Variants in PEX14 observed in about 807,000 individuals in gnomAD.
The protein encoded by PEX14 is peroxisomal membrane protein PEX14.
PEX14 carries 15 observed loss-of-function variants against 49.5 expected under a neutral mutation model. That is an observed-to-expected ratio of 0.30 (90% CI 0.20 to 0.47). The LOEUF is 0.47. Among genes scored for constraint, PEX14 ranks in the 20% least tolerant of loss-of-function variants. The pLI is 1.00. For missense variants in PEX14, 398 were observed against 494.8 expected (o/e 0.80, Z 1.86); for synonymous variants, 210 against 212.7 (o/e 0.99, Z 0.11).
rs1411723360 is a variant in PEX14, at chr1:10,539,949, T to C, written c.169+3652T>C. On this transcript the variant is annotated intron_variant, in intron 3 of 8. Transcript: ENST00000356607. The surrounding 1 kb of genome is among the most constrained non-coding windows in gnomAD (Gnocchi z 4.6). ...AGGAAAGACAAACATCATCTATTTTTCTGTATAACCCTGCATAGTGGGGCC... is the reference window on the plus strand; with the variant it reads ...AGGAAAGACAAACATCATCTATTTTCCTGTATAACCCTGCATAGTGGGGCC... Among the ~76,000 whole-genome samples the C allele has an allele frequency of 6.6e-6, 1 of 152,188 alleles. No individual in the cohort carries two copies. Among genetic ancestry groups the C allele is most frequent in the Non-Finnish European group, 1.5e-5 (1 of 68,036 alleles).
At chr1:10,508,452 A>C (rs571293705) in intron 2 of PEX14, among the ~76,000 whole-genome samples, 1 of 152,198 alleles carries the variant, frequency 6.6e-6, no homozygotes, top group South Asian at 2.1e-4. Context: ...CGGCCTCCCA[A>C]AGTGCTGGGG....
At chr1:10,479,140 G>T (rs1641242916) in intron 1 of PEX14, among the ~76,000 whole-genome samples, 2 of 152,024 alleles carry the variant, frequency 1.3e-5, no homozygotes, top group African/African-American at 4.8e-5. Flanking sequence ...ACTTTGGGAG[G>T]CTGAGTTGGG....
Position 10,513,717 on chromosome 1 carries a change from A to G in PEX14, c.84+18396A>G, listed in dbSNP as rs1570182600. Among the ~76,000 whole-genome samples, 4 of 152,288 alleles carry G rather than the reference A, an allele frequency of 2.6e-5. No homozygotes were observed. In the South Asian group the frequency reaches 8.3e-4, roughly 32 times the overall value. On this transcript the variant is annotated intron_variant, in intron 2 of 8. Transcript: ENST00000356607. Reference sequence around the variant, plus strand: ...CAATTCTTCCATTTAGCTGACTATTATATAGCCCTTAAAAGGGAAGGGTTT... The same window carrying G: ...CAATTCTTCCATTTAGCTGACTATTGTATAGCCCTTAAAAGGGAAGGGTTT...
intron 1 of PEX14, among the ~76,000 whole-genome samples, chr1:10,482,437 CTT>C (rs954442729): frequency 2.1e-4 from 27 of 129,992 alleles, no homozygotes; most frequent in Admixed American, 4.7e-4. Flanking sequence ...GCCCATCTTA[CTT>C]TTTTTTTTTT....
At chr1:10,538,154 A>G (rs577541554) in intron 3 of PEX14, among the ~76,000 whole-genome samples, 55 of 152,348 alleles carry the variant, frequency 3.6e-4, no homozygotes, top group Admixed American at 1.6e-3. Flanking sequence ...CGGATGTCAG[A>G]TGCCGAGCGC....
At position 10,613,782 on chromosome 1, in the gene PEX14, G is replaced by T. The variant is rs1418039777; in HGVS notation, c.299-4550G>T. ...CCTTGGAACCCCCCTGGCTGGTGGT[G>T]GCATGAGGGTTTCTGACCCCAGGCT... On this transcript the variant is annotated intron_variant, in intron 4 of 8. Transcript: ENST00000356607. This position sits in a 1 kb window ranked among gnomAD's most constrained non-coding sequence, Gnocchi z 5.0. 6.6e-6 allele frequency among the ~76,000 whole-genome samples: 1 copy of T among 152,222 alleles called. No homozygotes were observed. Among genetic ancestry groups the T allele is most frequent in the East Asian group, 1.9e-4 (1 of 5,202 alleles).
At chr1:10,576,836 A>T (rs1640129556) in intron 3 of PEX14, among the ~76,000 whole-genome samples, 1 of 151,466 alleles carries the variant, frequency 6.6e-6, no homozygotes, top group Admixed American at 6.6e-5. Context: ...AGCACACTGC[A>T]ACCTCTGCTT....
chr1:10,531,058 C>G (rs1272573541), intron 2 of PEX14, among the ~76,000 whole-genome samples: 1 of 152,056 alleles, frequency 6.6e-6, no homozygotes, highest in Admixed American at 6.6e-5. Flanking sequence ...TGAGAAAGAA[C>G]AGGGAGCCCG....
At chr1:10,505,232 G>A (rs1215703722) in intron 2 of PEX14, among the ~76,000 whole-genome samples, 1 of 152,206 alleles carries the variant, frequency 6.6e-6, no homozygotes, top group African/African-American at 2.4e-5. Flanking sequence ...CACCTTGCGA[G>A]GCTGAGGCAA....
chr1:10,576,770 T>C (rs1390592207), intron 3 of PEX14, among the ~76,000 whole-genome samples: 1 of 151,908 alleles, frequency 6.6e-6, no homozygotes, highest in African/African-American at 2.4e-5. Context: ...TTTTTTTTTT[T>C]TTTTTAGATG....
At chr1:10,624,246 C>CGG in intron 6 of PEX14, 94 bp from the exon 7 acceptor site, 1 of 827,024 alleles carries the variant, frequency 1.2e-6, no homozygotes, top group Non-Finnish European at 2.2e-6. Context: ...TTAGATGGAG[C>CGG]GGGAACACGG....
At position 10,536,201 on chromosome 1, in the gene PEX14, C is replaced by G. The variant is rs1213864200; in HGVS notation, c.85-12C>G. 6.4e-7 allele frequency: 1 copy of G among 1,567,862 alleles called. No individual in the cohort carries two copies. Among genetic ancestry groups the G allele is most frequent in the Admixed American group, 1.7e-5 (1 of 59,978 alleles). ...AGTGAAGTTTACTCCTCTATTTTCT[C>G]TCTCTCACCAGATTGCCACGGCAGT... is the stretch of plus-strand genomic sequence containing the variant. On this transcript the variant is annotated splice_polypyrimidine_tract_variant and intron_variant, in intron 2 of 8. Coordinates refer to ENST00000356607, the MANE Select transcript of PEX14 (RefSeq NM_004565.3).
At chr1:10,583,088 A>G (rs1640371268) in intron 3 of PEX14, among the ~76,000 whole-genome samples, 1 of 151,856 alleles carries the variant, frequency 6.6e-6, no homozygotes, top group Non-Finnish European at 1.5e-5. Context: ...TTCTGAGGAG[A>G]TATTTCAGGG....
At chr1:10,617,447 A>G (rs1222209150) in intron 4 of PEX14, among the ~76,000 whole-genome samples, 1 of 151,934 alleles carries the variant, frequency 6.6e-6, no homozygotes, top group African/African-American at 2.4e-5. Flanking sequence ...CACACAGTCC[A>G]CCTGGTGCCA....
chr1:10,623,149 C>T lies in PEX14; in HGVS notation c.487+28C>T. ...AAAGATTAATGACTCCATCAAGTCA[C>T]CCCTCACAGCCTTCTCCAAGCAGCC... On this transcript the variant is annotated intron_variant, in intron 6 of 8. Coordinates refer to ENST00000356607, the MANE Select transcript of PEX14 (RefSeq NM_004565.3). This position sits in a 1 kb window ranked among gnomAD's most constrained non-coding sequence, Gnocchi z 4.4. The T allele has an allele frequency of 6.8e-7, 1 of 1,464,322 alleles. No individual in the cohort carries two copies. Among genetic ancestry groups the T allele is most frequent in the Non-Finnish European group, 9.5e-7 (1 of 1,047,382 alleles). The allele number at this position is 1,464,322 out of a possible 1,614,324, so 90.7% of individuals were successfully genotyped here.
At chr1:10,564,761 T>A (rs1639754037) in intron 3 of PEX14, among the ~76,000 whole-genome samples, 4 of 152,030 alleles carry the variant, frequency 2.6e-5, no homozygotes, top group Admixed American at 2.6e-4. Flanking sequence ...AGTTTTCTAG[T>A]AAACTTCTCT....
chr1:10,581,890 A>T (rs1366511576), intron 3 of PEX14, among the ~76,000 whole-genome samples: 1 of 151,518 alleles, frequency 6.6e-6, no homozygotes, highest in Non-Finnish European at 1.5e-5. Context: ...GTAATTTTAT[A>T]TTTCTCATGG....
intron 2 of PEX14, among the ~76,000 whole-genome samples, chr1:10,499,257 C>T (rs949542626): frequency 1.3e-5 from 2 of 152,196 alleles, no homozygotes; most frequent in African/African-American, 4.8e-5. Flanking sequence ...AGCTCATCTA[C>T]TTTAAACAGT....
chr1:10,576,725 C>T (rs1180687920), intron 3 of PEX14, among the ~76,000 whole-genome samples: 4 of 149,128 alleles, frequency 2.7e-5, no homozygotes, highest in Non-Finnish European at 1.5e-5. Flanking sequence ...CCTATACATT[C>T]TTACACAAGT....
Sources: allele counts gnomAD v4.1 joint callset (sites outside exome capture counted in the v4.1 genomes callset), GRCh38; gene constraint gnomAD v4.1.1; non-coding constraint Gnocchi (gnomAD v3.1); transcripts MANE v1.5; gene names NCBI Gene and HGNC (gene_info 2026-07-23, HGNC 2026-07-21).